Variants in NEGR1 observed in about 807,000 individuals in gnomAD.
NEGR1 encodes IgLON family member 4.
A neutral mutation model predicts 40.9 loss-of-function variants in NEGR1; 10 were observed. The observed-to-expected ratio is 0.24, with a 90% CI of 0.15 to 0.42. The LOEUF is 0.42. Ranked by LOEUF, NEGR1 falls within the 10% of genes least tolerant of loss-of-function variation. NEGR1 has a pLI of 1.00. For synonymous variants in NEGR1, 185 were observed against 166.8 expected (o/e 1.11, Z -0.84); for missense variants, 352 against 438.9 (o/e 0.80, Z 1.77).
At chr1:71,711,762 T>C (rs1281270249) in intron 3 of NEGR1, among the ~76,000 whole-genome samples, 1 of 152,234 alleles carries the variant, frequency 6.6e-6, no homozygotes, top group African/African-American at 2.4e-5. Context: ...AAGATTATGC[T>C]ACATTCATTT....
intron 2 of NEGR1, among the ~76,000 whole-genome samples, chr1:71,842,375 CA>C (rs1302810342): frequency 2.0e-5 from 3 of 152,138 alleles, no homozygotes; most frequent in Non-Finnish European, 4.4e-5. Flanking sequence ...TCATCATGGA[CA>C]GCATCTATCT....
At chr1:71,717,792 G>T (rs1256334791) in intron 3 of NEGR1, among the ~76,000 whole-genome samples, 1 of 152,124 alleles carries the variant, frequency 6.6e-6, no homozygotes, top group Non-Finnish European at 1.5e-5. Flanking sequence ...GGTCATTAAG[G>T]TGGGCCTAAT....
rs1653286144 is a variant in NEGR1, at chr1:72,203,466, T to C, written c.176+78853A>G. ...CTGCAATCTTATAATAAAACTTGAA[T>C]GAATGATAAGTTGCTTCTTATAGAT... On this transcript the variant is annotated intron_variant, in intron 1 of 6. Transcript: ENST00000357731. 2.0e-5 allele frequency among the ~76,000 whole-genome samples: 3 copies of C among 152,124 alleles called. No individual in the cohort carries two copies. In the South Asian group the frequency reaches 6.2e-4, roughly 31 times the overall value.
intron 6 of NEGR1, chr1:71,489,591 A>G (rs1210944909): frequency 6.6e-6 from 1 of 151,942 alleles, no homozygotes; most frequent in Non-Finnish European, 1.5e-5. Context: ...ATCCACATAG[A>G]TAGTAACTAG....
At chr1:72,040,350 G>A (rs1482214987) in intron 1 of NEGR1, among the ~76,000 whole-genome samples, 1 of 151,710 alleles carries the variant, frequency 6.6e-6, no homozygotes, top group Non-Finnish European at 1.5e-5. Context: ...GTAGCTTGGA[G>A]TCACATAGAA....
At chr1:71,660,582 C>T (rs1376850558) in intron 4 of NEGR1, among the ~76,000 whole-genome samples, 4 of 152,182 alleles carry the variant, frequency 2.6e-5, no homozygotes, top group Non-Finnish European at 5.9e-5. Flanking sequence ...AATGTGTTCA[C>T]ATAAGCTAGA....
intron 5 of NEGR1, among the ~76,000 whole-genome samples, chr1:71,599,924 C>G (rs1219580760): frequency 6.6e-6 from 1 of 152,116 alleles, no homozygotes; most frequent in East Asian, 1.9e-4. Context: ...GGCAACCTGG[C>G]CTATGACTGG....
chr1:71,730,844 T>C (rs966699358), intron 3 of NEGR1, among the ~76,000 whole-genome samples: 7 of 150,860 alleles, frequency 4.6e-5, no homozygotes, highest in Admixed American at 4.0e-4. Flanking sequence ...ACAGTTTTCA[T>C]AGGGACATAT....
chr1:71,788,677 ATGTG>A (rs10691626), intron 2 of NEGR1, among the ~76,000 whole-genome samples: 4 of 149,252 alleles, frequency 2.7e-5, no homozygotes, highest in African/African-American at 7.3e-5. Flanking sequence ...GAATACAAGC[ATGTG>A]TGTGTGTGTG....
At chr1:71,809,050 C>G (rs1353335123) in intron 2 of NEGR1, among the ~76,000 whole-genome samples, 1 of 152,114 alleles carries the variant, frequency 6.6e-6, no homozygotes, top group Non-Finnish European at 1.5e-5. Context: ...AGAGCTTTAC[C>G]TATTGCTTAT....
At chr1:72,204,985 T>C (rs886647235) in intron 1 of NEGR1, among the ~76,000 whole-genome samples, 3 of 151,950 alleles carry the variant, frequency 2.0e-5, no homozygotes, top group African/African-American at 7.2e-5. Context: ...TGGAATATGA[T>C]ATAAAACAAA....
intron 3 of NEGR1, among the ~76,000 whole-genome samples, chr1:71,774,587 C>T (rs748995472): frequency 6.6e-6 from 1 of 152,068 alleles, no homozygotes; most frequent in Non-Finnish European, 1.5e-5. Context: ...AGATAAAATA[C>T]ATGTTTCAAT....
At chr1:71,815,077 C>G (rs1658153184) in intron 2 of NEGR1, among the ~76,000 whole-genome samples, 1 of 152,010 alleles carries the variant, frequency 6.6e-6, no homozygotes, top group Non-Finnish European at 1.5e-5. Context: ...ACTGCTTTAG[C>G]TGTATACCAG....
intron 1 of NEGR1, among the ~76,000 whole-genome samples, chr1:72,038,240 C>T (rs1646922085): frequency 6.6e-6 from 1 of 152,016 alleles, no homozygotes; most frequent in African/African-American, 2.4e-5. Context: ...GGTCATTTTA[C>T]ATGCATTGGT....
At chr1:71,639,200 T>C (rs1651264078) in intron 4 of NEGR1, among the ~76,000 whole-genome samples, 2 of 144,422 alleles carry the variant, frequency 1.4e-5, no homozygotes, top group Admixed American at 6.7e-5. Context: ...TGAACAGATG[T>C]TCAGGGAAAA....
chr1:71,846,265 T>G (rs1352181459), intron 2 of NEGR1, among the ~76,000 whole-genome samples: 2 of 152,110 alleles, frequency 1.3e-5, no homozygotes, highest in African/African-American at 4.8e-5. Context: ...ATTCCTTTTC[T>G]AATACCAAGT....
intron 4 of NEGR1, among the ~76,000 whole-genome samples, chr1:71,621,417 A>G (rs1450175372): frequency 6.6e-6 from 1 of 151,876 alleles, no homozygotes; most frequent in East Asian, 1.9e-4. Context: ...TTGGGTATAT[A>G]AAAGATCATG....
chr1:71,795,495 A>G (rs1018723943), intron 2 of NEGR1, among the ~76,000 whole-genome samples: 1 of 152,104 alleles, frequency 6.6e-6, no homozygotes, highest in African/African-American at 2.4e-5. Context: ...ATTGCCATCT[A>G]TACTCAAGAA....
intron 3 of NEGR1, among the ~76,000 whole-genome samples, chr1:71,706,912 T>G (rs955223941): frequency 2.0e-5 from 3 of 151,896 alleles, no homozygotes; most frequent in Admixed American, 2.0e-4. Context: ...TGAGACTCAG[T>G]ACATTACCAG....
Sources: gnomAD v4.1 joint callset for allele counts (sites outside exome capture counted in the v4.1 genomes callset) on GRCh38, gnomAD v4.1.1 for gene constraint, MANE v1.5 for transcripts, NCBI Gene and HGNC (gene_info 2026-07-23, HGNC 2026-07-21) for gene names.